TMEM123: variants seen among roughly 807,000 people sequenced by gnomAD.
TMEM123 encodes porimin.
A neutral mutation model predicts 19.7 loss-of-function variants in TMEM123; 16 were observed. The ratio of observed to expected loss-of-function variants is 0.81; its 90% confidence interval spans 0.55 to 1.23. TMEM123 has a LOEUF of 1.23. Among genes scored for constraint, TMEM123 ranks in the 50% most tolerant of loss-of-function variants. TMEM123 has a pLI of 0.00. For synonymous variants in TMEM123, 118 were observed against 99.4 expected (o/e 1.19, Z -1.12); for missense variants, 313 against 257.8 (o/e 1.21, Z -1.47).
intron 2 of TMEM123, among the ~76,000 whole-genome samples, chr11:102,447,244 G>A (rs1287393578): frequency 6.6e-6 from 1 of 152,178 alleles, no homozygotes; most frequent in East Asian, 1.9e-4. Context: ...AAAGTATTCA[G>A]TTGATTTTTA....
intron 2 of TMEM123, among the ~76,000 whole-genome samples, chr11:102,421,715 T>C (rs763216309): frequency 1.3e-5 from 2 of 152,174 alleles, no homozygotes; most frequent in Non-Finnish European, 2.9e-5. Context: ...AAACACATAT[T>C]GTTTAATGTT....
At chr11:102,448,691 G>C in intron 2 of TMEM123, 121 bp downstream of exon 2, 1 of 857,560 alleles carries the variant, frequency 1.2e-6, no homozygotes, top group Non-Finnish European at 1.9e-6. Context: ...TGGGATTCAT[G>C]GGTGAAGAAC....
chr11:102,405,899 CTG>C (rs1300841914), intron 2 of TMEM123, among the ~76,000 whole-genome samples: 2 of 152,228 alleles, frequency 1.3e-5, no homozygotes, highest in Non-Finnish European at 2.9e-5. Flanking sequence ...TTGCATTAAA[CTG>C]TGTTTCCTGA....
intron 2 of TMEM123, among the ~76,000 whole-genome samples, chr11:102,434,238 T>A (rs532916288): frequency 6.6e-6 from 1 of 152,044 alleles, no homozygotes; most frequent in East Asian, 1.9e-4. Context: ...CTTGTCCACA[T>A]CATCACCAAC....
chr11:102,409,629 G>A (rs559839145), intron 2 of TMEM123, among the ~76,000 whole-genome samples: 1 of 152,198 alleles, frequency 6.6e-6, no homozygotes, highest in South Asian at 2.1e-4. Context: ...CACTTTGGGA[G>A]GCCCAGGCGG....
intron 2 of TMEM123, among the ~76,000 whole-genome samples, chr11:102,413,933 G>A: frequency 6.6e-6 from 1 of 152,184 alleles, no homozygotes; most frequent in East Asian, 1.9e-4. Context: ...TCAGGACAAA[G>A]TTGAAGCCCA....
At chr11:102,404,613 T>C (rs1951939587) in intron 2 of TMEM123, among the ~76,000 whole-genome samples, 1 of 152,048 alleles carries the variant, frequency 6.6e-6, no homozygotes, top group Non-Finnish European at 1.5e-5. Flanking sequence ...GTTATTACTA[T>C]TTTTGAAACA....
chr11:102,397,449 C>T lies in TMEM123; in HGVS notation c.*1418G>A, dbSNP rs1007847348. 1.2e-4 allele frequency: 18 copies of T among 152,258 alleles called. No individual in the cohort carries two copies. Among genetic ancestry groups the T allele is most frequent in the African/African-American group, 4.3e-4 (18 of 41,564 alleles). The allele number at this position is 152,258 out of a possible 1,614,324, so 9.4% of individuals were successfully genotyped here. A position where few individuals can be genotyped will look rare whatever the true frequency, so the allele number is the denominator to read the frequency against. ...TGACTACATACCTCTTTTGTTAAAA[C>T]TTGACCCTGAGTTTTGAGTGCTGGA... On this transcript the variant is annotated 3_prime_UTR_variant, in exon 5 of 5. Transcript: ENST00000398136.
rs577527402 is a variant in TMEM123 at position 102,440,133 on chromosome 11, T to C, written c.157+8679A>G. On this transcript the variant is annotated intron_variant, in intron 2 of 4. Transcript: ENST00000398136. ...AAGTTGGAAAACACTCTTCAGGATATTATCCAGGAGAACTTCCCCAACCTA... is the reference window on the plus strand; with the variant it reads ...AAGTTGGAAAACACTCTTCAGGATACTATCCAGGAGAACTTCCCCAACCTA... Among the ~76,000 whole-genome samples, 380 of 152,270 alleles carry C rather than the reference T, an allele frequency of 2.5e-3. 1 individual carries two copies. The highest frequency in any genetic ancestry group is 8.5e-3 in the African/African-American group (354 of 41,550).
chr11:102,430,282 T>G (rs138852182), intron 2 of TMEM123, among the ~76,000 whole-genome samples: 1 of 152,206 alleles, frequency 6.6e-6, no homozygotes, highest in African/African-American at 2.4e-5. Context: ...ACTCCTCCCA[T>G]AGCATTCGCA....
chr11:102,432,138 G>A (rs532531344), intron 2 of TMEM123, among the ~76,000 whole-genome samples: 10 of 152,328 alleles, frequency 6.6e-5, no homozygotes, highest in South Asian at 2.1e-4. Context: ...ATGTGGAAGC[G>A]ACTTTGGCAC....
chr11:102,433,191 G>A (rs1242501889), intron 2 of TMEM123, among the ~76,000 whole-genome samples: 1 of 152,018 alleles, frequency 6.6e-6, no homozygotes, highest in Non-Finnish European at 1.5e-5. Context: ...TCAACAGCTT[G>A]CACTGTGTCT....
Position 102,452,533 on chromosome 11 carries a change from C to T in TMEM123, c.91G>A (p.Ala31Thr). 1.3e-6 allele frequency: 2 copies of T among 1,553,266 alleles called. No individual in the cohort carries two copies. The highest frequency in any genetic ancestry group is 1.7e-6 in the Non-Finnish European group (2 of 1,153,698). The change falls in exon 1 of 5, where the codon GCC becomes ACC. Residue 31 changes from alanine (A) to threonine (T), a missense_variant. Ala to Thr is a moderately conservative substitution (Grantham distance 58). Coordinates refer to ENST00000398136, the MANE Select transcript of TMEM123 (RefSeq NM_052932.3). ...ALLGAAHESA[A>T]MAASANIENS... ...CCCCGCAGCCACTTACCCGCCATGG[C>T]TGCGCTTTCATGGGCGGCCCCCAGC... is the stretch of plus-strand genomic sequence containing the variant.
intron 2 of TMEM123, among the ~76,000 whole-genome samples, chr11:102,431,469 G>T (rs1857708833): frequency 6.6e-6 from 1 of 152,156 alleles, no homozygotes; most frequent in South Asian, 2.1e-4. Flanking sequence ...TCACTATGCT[G>T]TGCAATAGAA....
intron 2 of TMEM123, among the ~76,000 whole-genome samples, chr11:102,441,379 A>G (rs2135863470): frequency 6.6e-6 from 1 of 152,338 alleles, no homozygotes; most frequent in Middle Eastern, 3.4e-3. Context: ...AGAACTTAGG[A>G]TTAAGAAACT....
chr11:102,412,589 G>C (rs887681513), intron 2 of TMEM123, among the ~76,000 whole-genome samples: 4 of 151,776 alleles, frequency 2.6e-5, no homozygotes, highest in Admixed American at 2.6e-4. Context: ...ACAACTACTG[G>C]CCAGAAAAAA....
Position 102,396,338 on chromosome 11 carries a change from AAGG to A in TMEM123, c.*2526_*2528del, listed in dbSNP as rs1453621203. 5.3e-5 allele frequency: 8 copies of A among 152,334 alleles called. No individual in the cohort carries two copies. Among genetic ancestry groups the A allele is most frequent in the South Asian group, 2.1e-4 (1 of 4,826 alleles). 9.4% of individuals were successfully genotyped at this position (152,334 alleles called of 1,614,324 possible). ...AAAATCACACACTTAAAACTTTTAG[AAGG>A]AGAACAATTTTATTCTAAAAATAGA... On this transcript the variant is annotated 3_prime_UTR_variant, in exon 5 of 5. Transcript: ENST00000398136.
At chr11:102,444,460 G>C (rs145879058) in intron 2 of TMEM123, among the ~76,000 whole-genome samples, 1 of 143,904 alleles carries the variant, frequency 6.9e-6, no homozygotes, top group Admixed American at 6.9e-5. Context: ...ACCAAATACC[G>C]TATGTTCTCA....
chr11:102,400,016 A>AC (rs879896695), intron 4 of TMEM123, among the ~76,000 whole-genome samples: 2,985 of 152,272 alleles, frequency 0.02, no homozygotes, highest in Non-Finnish European at 0.033. Context: ...TTGTTTAAGT[A>AC]TTAGTAATAT....
Sources: allele counts gnomAD v4.1 joint callset (sites outside exome capture counted in the v4.1 genomes callset), GRCh38; gene constraint gnomAD v4.1.1; transcripts MANE v1.5; gene names NCBI Gene and HGNC (gene_info 2026-07-23, HGNC 2026-07-21).